The following SLC25A15 variants were observed in gnomAD, a reference collection of about 807,000 sequenced individuals.
The protein encoded by SLC25A15 is mitochondrial ornithine transporter 1.
Under a neutral mutation model 32.3 loss-of-function variants are expected in SLC25A15, and 24 were observed. The observed-to-expected ratio is 0.74, with a 90% CI of 0.54 to 1.04. The LOEUF (loss-of-function observed/expected upper bound fraction) is 1.04. SLC25A15 is among the 50% of genes least tolerant of loss of function. The pLI, the probability that SLC25A15 is intolerant of heterozygous loss-of-function variation, is 0.00. For missense variants in SLC25A15, 317 were observed against 374.5 expected (o/e 0.85, Z 1.27); for synonymous variants, 132 against 142.1 (o/e 0.93, Z 0.51).
At chr13:40,792,955 T>A (rs1881562262) in intron 1 of SLC25A15, among the ~76,000 whole-genome samples, 1 of 152,232 alleles carries the variant, frequency 6.6e-6, no homozygotes, top group Admixed American at 6.5e-5. Flanking sequence ...GCTGTAGCAT[T>A]GATACACAGG....
intron 3 of SLC25A15, among the ~76,000 whole-genome samples, chr13:40,804,114 C>A (rs1426116038): frequency 6.6e-6 from 1 of 152,172 alleles, no homozygotes; most frequent in Non-Finnish European, 1.5e-5. Flanking sequence ...AAGGTTCCAG[C>A]AGATCTGGTG....
At chr13:40,804,531 C>T (rs1882063809) in intron 3 of SLC25A15, among the ~76,000 whole-genome samples, 1 of 144,240 alleles carries the variant, frequency 6.9e-6, no homozygotes, top group South Asian at 2.2e-4. Context: ...TGCAAGTTTC[C>T]TTCCTTTCAT....
At chr13:40,799,754 G>A (rs944409472) in intron 3 of SLC25A15, among the ~76,000 whole-genome samples, 5 of 152,166 alleles carry the variant, frequency 3.3e-5, no homozygotes, top group Admixed American at 6.5e-5. Flanking sequence ...GCTACCTCTC[G>A]TCAGCAGACA....
At chr13:40,801,796 C>T (rs1881902515) in intron 3 of SLC25A15, among the ~76,000 whole-genome samples, 1 of 152,172 alleles carries the variant, frequency 6.6e-6, no homozygotes, top group Admixed American at 6.5e-5. Context: ...GTTTGTTGAA[C>T]ATATGACAAA....
At position 40,809,581 on chromosome 13, in the gene SLC25A15, A is replaced by T. The variant is rs1384914001; in HGVS notation, c.820A>T (p.Ile274Phe). 6.2e-7 allele frequency: 1 copy of T among 1,612,014 alleles called. No individual in the cohort carries two copies. Among genetic ancestry groups the T allele is most frequent in the Non-Finnish European group, 8.5e-7 (1 of 1,179,842 alleles). ...ALYSGLKPTM[I>F]RAFPANGALF... ...ATATTCTGGACTGAAACCTACTATG[A>T]TTCGAGCATTCCCTGCCAATGGAGC... Residue 274 changes from isoleucine (I) to phenylalanine (F), a missense_variant, in exon 7 of 7, where the codon ATT becomes TTT. Transcript: ENST00000338625.
intron 6 of SLC25A15, 56 bp from the exon 7 acceptor site, chr13:40,809,487 T>G: frequency 6.2e-7 from 1 of 1,609,694 alleles, no homozygotes; most frequent in Non-Finnish European, 8.5e-7. Context: ...TGCAGCTGCG[T>G]GGGTATCCCC....
At chr13:40,794,816 G>A (rs924724251) in intron 2 of SLC25A15, among the ~76,000 whole-genome samples, 1 of 151,700 alleles carries the variant, frequency 6.6e-6, no homozygotes, top group Non-Finnish European at 1.5e-5. Flanking sequence ...CAGCAGATGA[G>A]TATGGTCATG....
chr13:40,798,353 G>A (rs1881741616), intron 2 of SLC25A15, among the ~76,000 whole-genome samples: 1 of 151,960 alleles, frequency 6.6e-6, no homozygotes, highest in African/African-American at 2.4e-5. Context: ...TATAAATAAA[G>A]GATTTAAGCA....
At position 40,793,113 on chromosome 13, in the gene SLC25A15, G is replaced by T; in HGVS notation, c.-69-45G>T. On this transcript the variant is annotated intron_variant, in intron 1 of 6. Transcript: ENST00000338625. ...ATTTGGCTGCAGGCCTAGAGAACAG[G>T]ATGCTGCAGACTTGGACTAATGGTG... The T allele has an allele frequency of 3.8e-6, 4 of 1,051,950 alleles. No individual in the cohort carries two copies. In the South Asian group the frequency reaches 4.0e-5, roughly 10 times the overall value. 65.2% of individuals were successfully genotyped at this position (1,051,950 alleles called of 1,614,324 possible). A position where few individuals can be genotyped will look rare whatever the true frequency, so the allele number is the denominator to read the frequency against.
chr13:40,799,177 G>C lies in SLC25A15; in HGVS notation c.176G>C (p.Gly59Ala). The change falls in exon 3 of 7, where the codon GGC becomes GCC. Residue 59 changes from glycine (G) to alanine (A), a missense_variant. Coordinates refer to ENST00000338625, the MANE Select transcript of SLC25A15 (RefSeq NM_014252.4). ...DCCLKTYSQV[G>A]FRGFYKGTSP... Reference sequence around the variant, plus strand: ...TGCCTGAAGACTTACTCCCAGGTGGGCTTCCGTGGCTTCTACAAGGGTACC... The same window carrying C: ...TGCCTGAAGACTTACTCCCAGGTGGCCTTCCGTGGCTTCTACAAGGGTACC... The C allele has an allele frequency of 6.2e-7, 1 of 1,614,172 alleles. No homozygotes were observed. Among genetic ancestry groups the C allele is most frequent in the Non-Finnish European group, 8.5e-7 (1 of 1,180,014 alleles).
intron 2 of SLC25A15, among the ~76,000 whole-genome samples, chr13:40,797,534 C>T (rs1330674718): frequency 2.0e-5 from 3 of 152,060 alleles, no homozygotes; most frequent in Non-Finnish European, 4.4e-5. Context: ...AAATTATATT[C>T]CACTAATTCA....
chr13:40,790,619 C>G (rs1186016997), intron 1 of SLC25A15, among the ~76,000 whole-genome samples: 2 of 152,208 alleles, frequency 1.3e-5, no homozygotes, highest in Non-Finnish European at 2.9e-5. Context: ...CGGAGTTTCG[C>G]TCTTGTTGCC....
chr13:40,808,920 G>T (rs571369357), intron 6 of SLC25A15, among the ~76,000 whole-genome samples: 1 of 115,676 alleles, frequency 8.6e-6, no homozygotes, highest in Non-Finnish European at 1.8e-5. Context: ...GGGCAACAGC[G>T]AGACTCTGTC....
rs140321147 is a variant in SLC25A15, at chr13:40,810,917, A to C, written c.*1250A>C. 155 of 527,230 alleles carry C rather than the reference A, an allele frequency of 2.9e-4. 1 individual carries two copies. The highest frequency in any genetic ancestry group is 2.8e-3 in the African/African-American group (144 of 51,858). The allele number at this position is 527,230 out of a possible 1,614,324, so 32.7% of individuals were successfully genotyped here. A position where few individuals can be genotyped will look rare whatever the true frequency, so the allele number is the denominator to read the frequency against. Reference sequence around the variant, plus strand: ...ACTCACTGTCTGCTCTGCCTCCACCAATCAGAAACCCTTCCAAGGAACAGT... The same window carrying C: ...ACTCACTGTCTGCTCTGCCTCCACCCATCAGAAACCCTTCCAAGGAACAGT... On this transcript the variant is annotated 3_prime_UTR_variant, in exon 7 of 7. Transcript: ENST00000338625.
intron 1 of SLC25A15, among the ~76,000 whole-genome samples, chr13:40,790,042 T>C (rs1017386925): frequency 2.0e-5 from 3 of 152,000 alleles, no homozygotes; most frequent in Non-Finnish European, 2.9e-5. Flanking sequence ...GCCAAGAAAG[T>C]TGGAAGTCGT....
chr13:40,810,433 G>C lies in SLC25A15; in HGVS notation c.*766G>C, dbSNP rs1173893582. Among the ~76,000 whole-genome samples the C allele has an allele frequency of 6.6e-6, 1 of 152,180 alleles. No homozygotes were observed. Among genetic ancestry groups the C allele is most frequent in the Admixed American group, 6.5e-5 (1 of 15,276 alleles). On this transcript the variant is annotated 3_prime_UTR_variant, in exon 7 of 7. Coordinates refer to ENST00000338625, the MANE Select transcript of SLC25A15 (RefSeq NM_014252.4). ...CCACCTCGGCCTCCCAAAGTGCTGG[G>C]ATTACTGGTGTGAGCCACCATGCCC...
At chr13:40,807,184 C>T in intron 4 of SLC25A15, 110 bp from the exon 5 acceptor site, 1 of 1,006,072 alleles carries the variant, frequency 9.9e-7, no homozygotes, top group Non-Finnish European at 1.6e-6. Context: ...ACAAAATCAG[C>T]TTCTTCCTTA....
At chr13:40,806,316 C>T (rs1389908300) in intron 4 of SLC25A15, among the ~76,000 whole-genome samples, 1 of 152,176 alleles carries the variant, frequency 6.6e-6, no homozygotes, top group African/African-American at 2.4e-5. Context: ...AAGCTGCCCT[C>T]ATGTTCCTTG....
intron 2 of SLC25A15, among the ~76,000 whole-genome samples, chr13:40,793,668 C>G (rs2138040007): frequency 6.6e-6 from 1 of 152,362 alleles, no homozygotes; most frequent in East Asian, 1.9e-4. Flanking sequence ...CTCAACTACT[C>G]TCTAAATGAG....
Sources: gnomAD v4.1 joint callset for allele counts (sites outside exome capture counted in the v4.1 genomes callset) on GRCh38, gnomAD v4.1.1 for gene constraint, MANE v1.5 for transcripts, NCBI Gene and HGNC (gene_info 2026-07-23, HGNC 2026-07-21) for gene names.